Variants in CLNK observed in about 807,000 individuals in gnomAD.
CLNK encodes cytokine dependent hematopoietic cell linker.
A neutral mutation model predicts 68.6 loss-of-function variants in CLNK; 74 were observed. The observed-to-expected ratio is 1.08, with a 90% CI of 0.89 to 1.31. The LOEUF (loss-of-function observed/expected upper bound fraction) is 1.31. Ranked by LOEUF, CLNK falls within the 50% of genes most tolerant of loss-of-function variation. The probability of loss-of-function intolerance (pLI) is 0.00; values close to 1 mark genes in which losing one functional copy is unlikely to be tolerated. For synonymous variants in CLNK, 198 were observed against 172.2 expected, an observed-to-expected ratio of 1.15 and a Z score of -1.17; for missense variants, 553 against 515.3, an observed-to-expected ratio of 1.07 and a Z score of -0.71.
rs769286486 is a variant in CLNK, at chr4:10,584,938, T to C, written c.101A>G (p.Asn34Ser). 22 of 1,613,836 alleles carry C rather than the reference T, an allele frequency of 1.4e-5. No individual in the cohort carries two copies. The Admixed American group carries it at 2.0e-4, about 15-fold the overall frequency. Residue 34 changes from asparagine to serine, a missense_variant, in exon 4 of 19, where the codon AAT becomes AGT. Transcript: ENST00000226951. Reference sequence around the variant, plus strand: ...GAGCCCCGACTCACCTGTGGCACTATTGATGCGAGGCCATGACCTAGGGCA... The same window carrying C: ...GAGCCCCGACTCACCTGTGGCACTACTGATGCGAGGCCATGACCTAGGGCA... ...LPKNRSWPRI[N>S]SATGQYQRMN... is the part of the protein sequence containing the mutation.
the CLNK span, among the ~76,000 whole-genome samples, chr4:10,728,385 AGTGTGTGT>A: frequency 1.2e-4 from 18 of 146,834 alleles, no homozygotes; most frequent in East Asian, 3.0e-3. Context: ...TATTCTAAAG[AGTGTGTGT>A]GTGTGTGTGT....
chr4:10,583,044 C>T (rs968618701), intron 4 of CLNK, among the ~76,000 whole-genome samples: 3 of 152,166 alleles, frequency 2.0e-5, no homozygotes, highest in Admixed American at 6.5e-5. Context: ...CTCGCATGAA[C>T]GCCCTCTCCT....
intron 14 of CLNK, 32 bp from the exon 15 acceptor site, chr4:10,520,863 G>A (rs959046659): frequency 6.6e-7 from 1 of 1,526,142 alleles, no homozygotes; most frequent in Non-Finnish European, 9.0e-7. Context: ...TTCAAAGAAT[G>A]TTAGTATTTC....
intron 2 of CLNK, among the ~76,000 whole-genome samples, chr4:10,648,684 G>T (rs1379333641): frequency 6.6e-6 from 1 of 152,154 alleles, no homozygotes; most frequent in East Asian, 1.9e-4. Flanking sequence ...GCTTGTGAAA[G>T]GTGGAGAGAA....
At chr4:10,504,227 T>C (rs1467321435) in intron 17 of CLNK, among the ~76,000 whole-genome samples, 8 of 149,778 alleles carry the variant, frequency 5.3e-5, no homozygotes, top group Admixed American at 3.4e-4. Flanking sequence ...TTCACGCCGT[T>C]CTCCTGCCTC....
chr4:10,548,224 G>T (rs1719311820), intron 8 of CLNK, among the ~76,000 whole-genome samples: 2 of 152,010 alleles, frequency 1.3e-5, no homozygotes, highest in African/African-American at 4.8e-5. Flanking sequence ...TTTCACTGTG[G>T]CTCTGAGTTG....
chr4:10,623,561 G>T (rs1722543645), intron 2 of CLNK, among the ~76,000 whole-genome samples: 1 of 152,144 alleles, frequency 6.6e-6, no homozygotes, highest in Non-Finnish European at 1.5e-5. Context: ...CAGGTGAAGG[G>T]CCAGCTTCTA....
chr4:10,625,855 G>A lies in CLNK; in HGVS notation c.12-27806C>T, dbSNP rs1039635926. Among the ~76,000 whole-genome samples, 10 of 152,232 alleles carry A rather than the reference G, an allele frequency of 6.6e-5. 1 individual carries two copies. Among genetic ancestry groups the A allele is most frequent in the Admixed American group, 1.3e-4 (2 of 15,288 alleles). Reference sequence around the variant, plus strand: ...TCCTACTGATGCATCTGAGGCCAATGTAGCTCAAGGCTGAGGGTTCTCATA... The same window carrying A: ...TCCTACTGATGCATCTGAGGCCAATATAGCTCAAGGCTGAGGGTTCTCATA... On this transcript the variant is annotated intron_variant, in intron 2 of 18. Coordinates refer to ENST00000226951, the MANE Select transcript of CLNK (RefSeq NM_052964.4).
chr4:10,728,760 GT>G, the CLNK span, among the ~76,000 whole-genome samples: 2 of 150,974 alleles, frequency 1.3e-5, no homozygotes, highest in Non-Finnish European at 3.0e-5. Context: ...GGCTAATTTT[GT>G]TTTTTTTGTA....
chr4:10,540,801 G>T (rs188716683), intron 10 of CLNK, among the ~76,000 whole-genome samples, 197 bp from the exon 11 acceptor site: 1 of 152,306 alleles, frequency 6.6e-6, no homozygotes, highest in East Asian at 1.9e-4. Context: ...TCTATGGGGA[G>T]TCAATGTGCT....
Position 10,540,609 on chromosome 4 carries a change from G to T in CLNK, c.492-5C>A. 1 of 1,605,874 alleles carries T rather than the reference G, an allele frequency of 6.2e-7. No individual in the cohort carries two copies. Among genetic ancestry groups the T allele is most frequent in the Non-Finnish European group, 8.5e-7 (1 of 1,172,558 alleles). ...TTCGGAAGTGTTATGAGAGGCCTGT[G>T]TGGAGAGTCGCAGTAGGGTCCTGAG... On this transcript the variant is annotated splice_polypyrimidine_tract_variant and splice_region_variant and intron_variant, in intron 10 of 18. Coordinates refer to ENST00000226951, the MANE Select transcript of CLNK (RefSeq NM_052964.4).
At chr4:10,561,988 C>T (rs565871298) in intron 7 of CLNK, among the ~76,000 whole-genome samples, 1 of 152,220 alleles carries the variant, frequency 6.6e-6, no homozygotes, top group South Asian at 2.1e-4. Context: ...TAAAATAGCA[C>T]CTGACCTCAT....
intron 1 of CLNK, among the ~76,000 whole-genome samples, chr4:10,675,015 A>G (rs985447927): frequency 3.3e-5 from 5 of 152,048 alleles, no homozygotes; most frequent in African/African-American, 1.2e-4. Flanking sequence ...TAGGACAAAT[A>G]CCTAATTAGG....
Position 10,487,437 on chromosome 4 carries a change from A to G in CLNK, c.*3030T>C, listed in dbSNP as rs1474957383. The G allele has an allele frequency of 1.3e-5, 2 of 152,204 alleles. No individual in the cohort carries two copies. The highest frequency in any genetic ancestry group is 2.9e-5 in the Non-Finnish European group (2 of 68,038). 9.4% of individuals were successfully genotyped at this position (152,204 alleles called of 1,614,324 possible). ...ATATACTCTTATTATTTAATCATCCATTACAAGCAAAATGTAAATGTGATT... is the reference window on the plus strand; with the variant it reads ...ATATACTCTTATTATTTAATCATCCGTTACAAGCAAAATGTAAATGTGATT... On this transcript the variant is annotated 3_prime_UTR_variant, in exon 19 of 19. Coordinates refer to ENST00000226951, the MANE Select transcript of CLNK (RefSeq NM_052964.4).
At chr4:10,607,532 G>A (rs1196387414) in intron 2 of CLNK, among the ~76,000 whole-genome samples, 1 of 152,192 alleles carries the variant, frequency 6.6e-6, no homozygotes, top group Non-Finnish European at 1.5e-5. Flanking sequence ...GTATCTCCTT[G>A]TGCCTTTGCA....
At chr4:10,688,783 G>A (rs1290400149), upstream of CLNK, among the ~76,000 whole-genome samples, 5 of 151,846 alleles carry the variant, frequency 3.3e-5, no homozygotes, top group Admixed American at 2.6e-4. Context: ...AAATTTTTTT[G>A]AGCTTCGGCT....
chr4:10,510,855 T>C (rs1197710517), intron 16 of CLNK, among the ~76,000 whole-genome samples: 2 of 152,252 alleles, frequency 1.3e-5, no homozygotes, highest in Non-Finnish European at 2.9e-5. Flanking sequence ...CACTTCAAGC[T>C]GTCCCACCTT....
intron 1 of CLNK, among the ~76,000 whole-genome samples, chr4:10,671,962 C>G (rs980516308): frequency 2.0e-5 from 3 of 152,160 alleles, no homozygotes; most frequent in Non-Finnish European, 4.4e-5. Context: ...AAATAGCTCG[C>G]TTTGTCTCTT....
At chr4:10,721,829 A>G in the CLNK span, among the ~76,000 whole-genome samples, 3 of 152,206 alleles carry the variant, frequency 2.0e-5, no homozygotes, top group Middle Eastern at 3.2e-3. Context: ...CCAAACAACC[A>G]AGGTTGACAG....
Sources: allele counts gnomAD v4.1 joint callset (sites outside exome capture counted in the v4.1 genomes callset), GRCh38; gene constraint gnomAD v4.1.1; transcripts MANE v1.5; gene names NCBI Gene and HGNC (gene_info 2026-07-23, HGNC 2026-07-21).